The following SNTG1 variants were observed in gnomAD, a reference collection of about 807,000 sequenced individuals.
SNTG1 encodes syntrophin gamma 1.
A neutral mutation model predicts 74.7 loss-of-function variants in SNTG1; 39 were observed. That is an observed-to-expected ratio of 0.52 (90% CI 0.40 to 0.68). The LOEUF (loss-of-function observed/expected upper bound fraction) is 0.68. Among genes scored for constraint, SNTG1 ranks in the 30% least tolerant of loss-of-function variants. The pLI is 0.00. For missense variants in SNTG1, 685 were observed against 609.5 expected (o/e 1.12, Z -1.30); for synonymous variants, 254 against 217.1 (o/e 1.17, Z -1.49).
chr8:50,764,114 G>A (rs2095607382), intron 18 of SNTG1, among the ~76,000 whole-genome samples: 1 of 151,360 alleles, frequency 6.6e-6, no homozygotes, highest in Non-Finnish European at 1.5e-5. Flanking sequence ...CAAGAAAATG[G>A]AATTTTCATG....
At chr8:49,978,788 T>C (rs911015913) in intron 1 of SNTG1, among the ~76,000 whole-genome samples, 1 of 152,208 alleles carries the variant, frequency 6.6e-6, no homozygotes, top group Non-Finnish European at 1.5e-5. Context: ...GGTAGCAGGT[T>C]CTATATTTCT....
chr8:50,239,255 G>C (rs924851297), intron 2 of SNTG1, among the ~76,000 whole-genome samples: 3 of 152,160 alleles, frequency 2.0e-5, no homozygotes, highest in Non-Finnish European at 4.4e-5. Flanking sequence ...CCCATCAGTG[G>C]AAGACTGGAT....
chr8:50,588,061 A>G (rs1331149457), intron 12 of SNTG1, among the ~76,000 whole-genome samples: 1 of 151,928 alleles, frequency 6.6e-6, no homozygotes, highest in Non-Finnish European at 1.5e-5. Context: ...CGGAGGCTGC[A>G]GTGAGCTGAG....
intron 13 of SNTG1, among the ~76,000 whole-genome samples, chr8:50,631,846 C>A (rs2095000341): frequency 6.6e-6 from 1 of 152,204 alleles, no homozygotes; most frequent in South Asian, 2.1e-4. Flanking sequence ...CTCTGTAGTG[C>A]AGACACTGCA....
chr8:50,143,570 C>T (rs181832518), intron 1 of SNTG1, among the ~76,000 whole-genome samples: 53 of 152,274 alleles, frequency 3.5e-4, no homozygotes, highest in African/African-American at 1.2e-3. Flanking sequence ...CCAAACTGTG[C>T]CAGATAGTCT....
At chr8:50,777,715 A>T (rs2131813835) in intron 18 of SNTG1, among the ~76,000 whole-genome samples, 1 of 147,888 alleles carries the variant, frequency 6.8e-6, no homozygotes, top group East Asian at 2.0e-4. Context: ...TTTTATTATT[A>T]TTATACTTTA....
intron 8 of SNTG1, among the ~76,000 whole-genome samples, chr8:50,480,599 G>A (rs573809236): frequency 5.9e-5 from 9 of 152,224 alleles, no homozygotes; most frequent in Admixed American, 1.3e-4. Context: ...GTCTTTTGGC[G>A]TGAAAATGTT....
At chr8:50,783,133 CG>C (rs1460514050) in intron 18 of SNTG1, among the ~76,000 whole-genome samples, 2 of 152,160 alleles carry the variant, frequency 1.3e-5, no homozygotes, top group African/African-American at 4.8e-5. Context: ...TTAGGCTGCT[CG>C]GGGGTCAGGG....
At chr8:50,717,016 G>A (rs181162520) in intron 17 of SNTG1, among the ~76,000 whole-genome samples, 7 of 152,066 alleles carry the variant, frequency 4.6e-5, no homozygotes, top group Non-Finnish European at 8.8e-5. Context: ...GATTACAGGC[G>A]TGAGCCACCG....
intron 3 of SNTG1, among the ~76,000 whole-genome samples, chr8:50,401,817 A>C (rs1457265565): frequency 6.6e-6 from 1 of 152,220 alleles, no homozygotes; most frequent in Non-Finnish European, 1.5e-5. Flanking sequence ...GAGTATATTA[A>C]AAATACATGA....
intron 18 of SNTG1, among the ~76,000 whole-genome samples, chr8:50,779,032 T>G (rs1424082261): frequency 1.3e-5 from 2 of 152,178 alleles, no homozygotes; most frequent in African/African-American, 4.8e-5. Flanking sequence ...GCGTTATTTC[T>G]GAGGGCTCTG....
At chr8:50,169,960 T>C (rs1324963385) in intron 1 of SNTG1, among the ~76,000 whole-genome samples, 1 of 152,110 alleles carries the variant, frequency 6.6e-6, no homozygotes, top group African/African-American at 2.4e-5. Flanking sequence ...AAAATAATAA[T>C]AATGAAGTAA....
At chr8:50,246,607 A>G (rs545710904) in intron 2 of SNTG1, among the ~76,000 whole-genome samples, 1 of 152,194 alleles carries the variant, frequency 6.6e-6, no homozygotes, top group South Asian at 2.1e-4. Flanking sequence ...ATTGCTCACA[A>G]AATTGCCCTT....
intron 16 of SNTG1, among the ~76,000 whole-genome samples, chr8:50,705,798 A>G (rs2095441571): frequency 6.6e-6 from 1 of 152,226 alleles, no homozygotes; most frequent in Non-Finnish European, 1.5e-5. Context: ...TTCTGTCTTC[A>G]CAAGACCATT....
rs549488514 is a variant in SNTG1 at position 50,012,679 on chromosome 8, G to A, written c.-103+100448G>A. On this transcript the variant is annotated intron_variant, in intron 1 of 18. Coordinates refer to ENST00000642720, the MANE Select transcript of SNTG1 (RefSeq NM_018967.5). ...GAAGAGGTGCCTGCTATGCCATGGG[G>A]GTCACATGGGGGAGCACTTGGGTGA... Among the ~76,000 whole-genome samples, 4 of 152,188 alleles carry A rather than the reference G, an allele frequency of 2.6e-5. No individual in the cohort carries two copies. In the South Asian group the frequency reaches 6.2e-4, roughly 24 times the overall value.
chr8:50,350,968 G>T (rs567928150), intron 2 of SNTG1, among the ~76,000 whole-genome samples: 1 of 152,112 alleles, frequency 6.6e-6, no homozygotes. Context: ...TTGTTCTTTC[G>T]CTCTTTGCAA....
intron 1 of SNTG1, among the ~76,000 whole-genome samples, chr8:50,090,372 CTTTG>C (rs1213831328): frequency 6.6e-6 from 1 of 152,116 alleles, no homozygotes; most frequent in Non-Finnish European, 1.5e-5. Context: ...GTTTCTCTCA[CTTTG>C]TTTCTCTTCT....
At chr8:50,507,234 G>A (rs2094014618) in intron 9 of SNTG1, among the ~76,000 whole-genome samples, 2 of 151,932 alleles carry the variant, frequency 1.3e-5, no homozygotes, top group East Asian at 3.9e-4. Flanking sequence ...CAGTTTTTTA[G>A]TATCTTTTTG....
rs563089801 is a variant in SNTG1, at chr8:50,686,981, A to T, written c.1039-17619A>T. Among the ~76,000 whole-genome samples the T allele has an allele frequency of 1.9e-3, 293 of 150,336 alleles. 3 individuals carry two copies. Among genetic ancestry groups the T allele is most frequent in the African/African-American group, 7.0e-3 (286 of 40,976 alleles). On this transcript the variant is annotated intron_variant, in intron 15 of 18. Coordinates refer to ENST00000642720, the MANE Select transcript of SNTG1 (RefSeq NM_018967.5). ...AAACCCCGTCTCTACTAAAAATACA[A>T]AAAATTAGCCGGGCGCAGTGGCGGG... is the stretch of plus-strand genomic sequence containing the variant.
Sources: gnomAD v4.1 joint callset for allele counts (sites outside exome capture counted in the v4.1 genomes callset) on GRCh38, gnomAD v4.1.1 for gene constraint, MANE v1.5 for transcripts, NCBI Gene and HGNC (gene_info 2026-07-23, HGNC 2026-07-21) for gene names.